Variants in KCTD17 observed in about 807,000 individuals in gnomAD.
The protein encoded by KCTD17 is potassium channel tetramerization domain containing 17, also known as BTB/POZ domain-containing protein KCTD17.
A neutral mutation model predicts 41.5 loss-of-function variants in KCTD17; 20 were observed. The ratio of observed to expected loss-of-function variants is 0.48; its 90% CI spans 0.34 to 0.70. The LOEUF is 0.70. Ranked by LOEUF, KCTD17 falls within the 30% of genes least tolerant of loss-of-function variation. The pLI, the probability that KCTD17 is intolerant of heterozygous loss-of-function variation, is 0.01. For missense variants in KCTD17, 317 were observed against 427.2 expected, an observed-to-expected ratio of 0.74 and a Z score of 2.27; for synonymous variants, 156 against 173.8, an observed-to-expected ratio of 0.90 and a Z score of 0.80.
At chr22:37,060,550 C>T (rs1396288805) in intron 5 of KCTD17, among the ~76,000 whole-genome samples, 1 of 152,210 alleles carries the variant, frequency 6.6e-6, no homozygotes, top group Non-Finnish European at 1.5e-5. Flanking sequence ...TCTGCTTCAT[C>T]CCCTCCCTCC....
Position 37,061,406 on chromosome 22 carries a change from G to A in KCTD17, c.785-133G>A, listed in dbSNP as rs1240205699. 7 of 1,474,366 alleles carry A rather than the reference G, an allele frequency of 4.7e-6. No individual in the cohort carries two copies. Among genetic ancestry groups the A allele is most frequent in the Non-Finnish European group, 6.3e-6 (7 of 1,113,020 alleles). 91.3% of individuals were successfully genotyped at this position (1,474,366 alleles called of 1,614,324 possible). A position where few individuals can be genotyped will look rare whatever the true frequency, so the allele number is the denominator to read the frequency against. ...TCTGGTACCTCCTGCCTCCCAGCCT[G>A]GGGAGGAGGGGCGCAGCTGCACCTC... On this transcript the variant is annotated intron_variant, in intron 7 of 8. Coordinates refer to ENST00000403888, the MANE Select transcript of KCTD17 (RefSeq NM_001282684.2). The surrounding 1 kb of genome is among the most constrained non-coding windows in gnomAD (Gnocchi z 6.6).
rs1397407854 is a variant in KCTD17, at chr22:37,062,503, C to T, written c.876-22C>T. On this transcript the variant is annotated intron_variant, in intron 8 of 8. Coordinates refer to ENST00000403888, the MANE Select transcript of KCTD17 (RefSeq NM_001282684.2). ...ACCTCCGCCCCTCCCATCCTCCTGCCCTTCCCCTCTTTTTTTTCTAGCTGT... is the reference window on the plus strand; with the variant it reads ...ACCTCCGCCCCTCCCATCCTCCTGCTCTTCCCCTCTTTTTTTTCTAGCTGT... The T allele has an allele frequency of 2.5e-6, 4 of 1,610,814 alleles. No homozygotes were observed. The South Asian group carries it at 4.4e-5, about 18-fold the overall frequency.
At chr22:37,052,033 A>G in intron 1 of KCTD17, 84 bp downstream of exon 1, 1 of 1,127,904 alleles carries the variant, frequency 8.9e-7, no homozygotes, top group Non-Finnish European at 1.1e-6. Flanking sequence ...CTCGCCCGCC[A>G]GGCTGGGGAC....
chr22:37,057,689 G>A lies in KCTD17; in HGVS notation c.486+196G>A, dbSNP rs546249793. ...TGGTGGCAGGTTGACCGAGAGAGAG[G>A]ATAGGAGCCCCAGTGGCCATAGGAC... is the stretch of plus-strand genomic sequence containing the variant. On this transcript the variant is annotated intron_variant, in intron 4 of 8. Coordinates refer to ENST00000403888, the MANE Select transcript of KCTD17 (RefSeq NM_001282684.2). Among the ~76,000 whole-genome samples the A allele has an allele frequency of 1.3e-4, 20 of 152,326 alleles. No individual in the cohort carries two copies. In the South Asian group the frequency reaches 3.1e-3, roughly 24 times the overall value.
intron 4 of KCTD17, 28 bp downstream of exon 4, chr22:37,057,521 A>G (rs1056698619): frequency 4.4e-6 from 7 of 1,582,668 alleles, no homozygotes; most frequent in Non-Finnish European, 6.0e-6. Context: ...GCGTGCCACC[A>G]GGACAACCCT....
At position 37,056,304 on chromosome 22, in the gene KCTD17, G is replaced by T; in HGVS notation, c.299-16G>T. The T allele has an allele frequency of 6.8e-6, 11 of 1,610,570 alleles. No homozygotes were observed. Among genetic ancestry groups the T allele is most frequent in the Non-Finnish European group, 9.3e-6 (11 of 1,177,972 alleles). On this transcript the variant is annotated splice_polypyrimidine_tract_variant and intron_variant, in intron 2 of 8. Transcript: ENST00000403888. The stretch of plus-strand genomic sequence containing the variant: ...AGGCAGAAGGAGTGACCTGGGATCT[G>T]TTCTGTCTGTGCCAGGGGTCCTGGA...
Position 37,062,857 on chromosome 22 carries a change from A to C in KCTD17, c.*263A>C, listed in dbSNP as rs956071246. ...CCCCTCTCCCGGGCTCCCCTGCTGC[A>C]TGGTGGATGTGCTCCTTCCTGGCCC... On this transcript the variant is annotated 3_prime_UTR_variant, in exon 9 of 9. Coordinates refer to ENST00000403888, the MANE Select transcript of KCTD17 (RefSeq NM_001282684.2). 1.5e-6 allele frequency: 1 copy of C among 667,178 alleles called. No homozygotes were observed. Among genetic ancestry groups the C allele is most frequent in the Non-Finnish European group, 2.4e-6 (1 of 415,556 alleles). The allele number at this position is 667,178 out of a possible 1,614,324, so 41.3% of individuals were successfully genotyped here. A position where few individuals can be genotyped will look rare whatever the true frequency, so the allele number is the denominator to read the frequency against.
intron 2 of KCTD17, among the ~76,000 whole-genome samples, chr22:37,055,849 G>A (rs1435159895): frequency 1.3e-5 from 2 of 152,220 alleles, no homozygotes; most frequent in South Asian, 4.1e-4. Context: ...CTCTTTGGGA[G>A]CCTCAGTTTT....
intron 8 of KCTD17, 146 bp from the exon 9 acceptor site, chr22:37,062,379 A>C: frequency 5.6e-6 from 8 of 1,416,694 alleles, no homozygotes; most frequent in South Asian, 1.5e-5. Flanking sequence ...CTCCAGAAGG[A>C]AGCCTGTGAC....
rs533804075 is a variant in KCTD17, at chr22:37,062,320, C to G, written c.876-205C>G. Reference sequence around the variant, plus strand: ...AGTTGGGGAGCCCTTGCTGCTCCCCCCAACTCAGTTCTGAATCCACCTTCT... The same window carrying G: ...AGTTGGGGAGCCCTTGCTGCTCCCCGCAACTCAGTTCTGAATCCACCTTCT... On this transcript the variant is annotated intron_variant, in intron 8 of 8. Transcript: ENST00000403888. The G allele has an allele frequency of 4.2e-4, 412 of 985,214 alleles. 2 individuals carry two copies. The highest frequency in any genetic ancestry group is 4.1e-3 in the African/African-American group (237 of 57,276). 61.0% of individuals were successfully genotyped at this position (985,214 alleles called of 1,614,324 possible).
chr22:37,060,621 C>T (rs1351971740), intron 5 of KCTD17, among the ~76,000 whole-genome samples: 2 of 152,216 alleles, frequency 1.3e-5, no homozygotes, highest in Admixed American at 6.5e-5. Flanking sequence ...GCATCCCATC[C>T]TCAGCTGCTT....
At chr22:37,060,392 T>A (rs1925637921) in intron 5 of KCTD17, among the ~76,000 whole-genome samples, 1 of 148,526 alleles carries the variant, frequency 6.7e-6, no homozygotes, top group South Asian at 2.2e-4. Context: ...CCCCTGGACC[T>A]GGGGTGTCAG....
chr22:37,061,524 G>A lies in KCTD17; in HGVS notation c.785-15G>A, dbSNP rs371024912. ...CCTCTCCTCCCGGCCTCCTCCTCAC[G>A]TTTCCTCCTTGCAGGTTCCCGTCCG... On this transcript the variant is annotated splice_polypyrimidine_tract_variant and intron_variant, in intron 7 of 8. Transcript: ENST00000403888. The surrounding 1 kb of genome is among the most constrained non-coding windows in gnomAD (Gnocchi z 6.6). The A allele has an allele frequency of 6.9e-5, 110 of 1,599,188 alleles. No individual in the cohort carries two copies. Among genetic ancestry groups the A allele is most frequent in the East Asian group, 1.1e-4 (5 of 44,794 alleles).
chr22:37,060,821 A>G lies in KCTD17; in HGVS notation c.613-2A>G. The G allele has an allele frequency of 6.7e-7, 1 of 1,493,928 alleles. No individual in the cohort carries two copies. The allele number at this position is 1,493,928 out of a possible 1,614,324, so 92.5% of individuals were successfully genotyped here. On this transcript the variant is annotated splice_acceptor_variant, in intron 5 of 8. Coordinates refer to ENST00000403888, the MANE Select transcript of KCTD17 (RefSeq NM_001282684.2). LOFTEE classifies it high-confidence loss of function. ...TCCCTGGGTCCGCCGGCTGGTTCACAGAGCACGGAGGAGCAGCTGGAGGAG... is the reference window on the plus strand; with the variant it reads ...TCCCTGGGTCCGCCGGCTGGTTCACGGAGCACGGAGGAGCAGCTGGAGGAG...
intron 4 of KCTD17, among the ~76,000 whole-genome samples, chr22:37,058,773 C>T (rs1401264537): frequency 6.6e-6 from 1 of 152,232 alleles, no homozygotes; most frequent in Non-Finnish European, 1.5e-5. Context: ...ATTGCACAGG[C>T]TCTCAGAGGC....
intron 2 of KCTD17, among the ~76,000 whole-genome samples, chr22:37,055,693 G>C (rs1351364004): frequency 6.6e-6 from 1 of 152,192 alleles, no homozygotes; most frequent in African/African-American, 2.4e-5. Context: ...CTCGTGCAGG[G>C]TGTTGCAAAC....
chr22:37,052,143 G>A, intron 1 of KCTD17, 194 bp downstream of exon 1: 1 of 774,358 alleles, frequency 1.3e-6, no homozygotes, highest in Non-Finnish European at 1.8e-6. Context: ...CCATTGCCGT[G>A]GCAACGGGAC....
rs1357053307 is a variant in KCTD17 at position 37,062,568 on chromosome 22, C to G, written c.919C>G (p.Leu307Val). Reference sequence around the variant, plus strand: ...ACCCGGATGTGAGGCCCCAGATCACCTCCAGGGACTTGGGGTTCCCATCTG... The same window carrying G: ...ACCCGGATGTGAGGCCCCAGATCACGTCCAGGGACTTGGGGTTCCCATCTG... Reference protein sequence around the residue: ...EAPGCEAPDHLQGLGVPI With the variant: ...EAPGCEAPDHVQGLGVPI Residue 307 changes from leucine (L) to valine (V), a missense_variant, in exon 9 of 9, where the codon CTC (leucine) becomes GTC (valine). Leu to Val is a conservative substitution (Grantham distance 32). This residue lies in a region of KCTD17 where 177 missense variants were observed against 194.4 expected (regional missense o/e 0.91). Coordinates refer to ENST00000403888, the MANE Select transcript of KCTD17 (RefSeq NM_001282684.2). 1 of 1,613,504 alleles carries G rather than the reference C, an allele frequency of 6.2e-7. No homozygotes were observed. Among genetic ancestry groups the G allele is most frequent in the South Asian group, 1.1e-5 (1 of 91,000 alleles).
At chr22:37,058,176 G>A (rs889361343) in intron 4 of KCTD17, among the ~76,000 whole-genome samples, 4 of 152,218 alleles carry the variant, frequency 2.6e-5, no homozygotes, top group Non-Finnish European at 5.9e-5. Context: ...AAGGAGAGGG[G>A]GTTGGCTAGC....
Sources: gnomAD v4.1 joint callset for allele counts (sites outside exome capture counted in the v4.1 genomes callset) on GRCh38, gnomAD v4.1.1 for gene constraint, gnomAD v4.1.1 regional missense constraint, Gnocchi (gnomAD v3.1) non-coding constraint, MANE v1.5 for transcripts, NCBI Gene and HGNC (gene_info 2026-07-23, HGNC 2026-07-21) for gene names.